The following BICRAL variants were observed in gnomAD, a reference collection of about 807,000 sequenced individuals.
The protein encoded by BICRAL is BRD4-interacting chromatin-remodeling complex-associated protein-like.
A neutral mutation model predicts 91.8 loss-of-function variants in BICRAL; 8 were observed. That is an observed-to-expected ratio of 0.09 (90% CI 0.05 to 0.16). BICRAL has a LOEUF of 0.16. BICRAL is among the 10% of genes least tolerant of loss of function. The pLI is 1.00. For missense variants in BICRAL, 1,038 were observed against 1,310.9 expected, an observed-to-expected ratio of 0.79 and a Z score of 3.21; for synonymous variants, 445 against 491.1, an observed-to-expected ratio of 0.91 and a Z score of 1.24.
upstream of BICRAL, among the ~76,000 whole-genome samples, chr6:42,780,371 C>A (rs1156581963): frequency 1.3e-5 from 2 of 151,992 alleles, no homozygotes; most frequent in East Asian, 3.8e-4. Flanking sequence ...ACAATAATTT[C>A]ACTTAAATAA....
intron 6 of BICRAL, among the ~76,000 whole-genome samples, chr6:42,841,076 A>T (rs1419022369): frequency 4.1e-5 from 2 of 49,226 alleles, no homozygotes; most frequent in East Asian, 5.4e-4. Context: ...CTCAATCTTT[A>T]AAAAAAAAAA....
intron 1 of BICRAL, among the ~76,000 whole-genome samples, chr6:42,785,685 A>C (rs913878412): frequency 6.6e-6 from 1 of 152,214 alleles, no homozygotes; most frequent in Admixed American, 6.5e-5. Context: ...TGAATTTTGA[A>C]TTGTGGACAT....
chr6:42,856,988 T>C (rs539009144), intron 9 of BICRAL, 103 bp from the exon 10 acceptor site: 1 of 971,582 alleles, frequency 1.0e-6, no homozygotes, highest in South Asian at 1.6e-5. Flanking sequence ...AAAACTGCCG[T>C]ATTATTCCTA....
At chr6:42,843,560 G>T (rs995323970) in intron 6 of BICRAL, among the ~76,000 whole-genome samples, 3 of 152,174 alleles carry the variant, frequency 2.0e-5, no homozygotes, top group Non-Finnish European at 4.4e-5. Context: ...ACTTGTGATT[G>T]ATTGGGCATA....
intron 6 of BICRAL, among the ~76,000 whole-genome samples, chr6:42,841,743 G>A (rs555420185): frequency 2.8e-4 from 43 of 152,204 alleles, no homozygotes; most frequent in Non-Finnish European, 2.8e-4. Context: ...TATTACTAAC[G>A]AGGACAGTGC....
At chr6:42,835,778 A>T (rs1764620360) in intron 6 of BICRAL, among the ~76,000 whole-genome samples, 1 of 152,144 alleles carries the variant, frequency 6.6e-6, no homozygotes, top group Non-Finnish European at 1.5e-5. Context: ...TACAAAAAAT[A>T]CAAAAATTAG....
chr6:42,848,165 T>C, intron 6 of BICRAL, among the ~76,000 whole-genome samples: 1 of 128,036 alleles, frequency 7.8e-6, no homozygotes, highest in Non-Finnish European at 1.6e-5. Context: ...AAAAAGAAAA[T>C]CGCTTGAACC....
chr6:42,840,963 C>T (rs1764777371), intron 6 of BICRAL, among the ~76,000 whole-genome samples: 1 of 150,314 alleles, frequency 6.7e-6, no homozygotes, highest in Non-Finnish European at 1.5e-5. Context: ...ATAATACCAC[C>T]TACTCAGGAG....
chr6:42,828,861 G>A lies in BICRAL; in HGVS notation c.528G>A (p.Ser176=), dbSNP rs745521844. The A allele has an allele frequency of 6.2e-6, 10 of 1,614,036 alleles. No homozygotes were observed. The highest frequency in any genetic ancestry group is 2.7e-5 in the African/African-American group (2 of 74,910). The change falls in exon 6 of 13, where the codon TCG becomes TCA. Residue 176 remains serine (S), a synonymous_variant. Coordinates refer to ENST00000314073, the MANE Select transcript of BICRAL (RefSeq NM_001393499.1). ...TGACGCATGTGCCTGTTGGAGCATC[G>A]TTTGCAAGCAATACAGTGGGTGTAC... is the stretch of plus-strand genomic sequence containing the variant. ...IGVTHVPVGA[S]FASNTVGVQH...
At chr6:42,809,221 G>A (rs1043623477) in intron 1 of BICRAL, among the ~76,000 whole-genome samples, 1 of 151,166 alleles carries the variant, frequency 6.6e-6, no homozygotes, top group African/African-American at 2.4e-5. Context: ...AGTTTGCCGA[G>A]AATGATGGTT....
chr6:42,811,553 G>A (rs1347138311), intron 2 of BICRAL, among the ~76,000 whole-genome samples: 6 of 151,580 alleles, frequency 4.0e-5, no homozygotes, highest in East Asian at 1.9e-4. Context: ...CCTGGGAGGC[G>A]GAGGTTGCAG....
intron 1 of BICRAL, among the ~76,000 whole-genome samples, chr6:42,789,639 CAAA>C (rs11334649): frequency 1.4e-4 from 15 of 110,004 alleles, no homozygotes; most frequent in Admixed American, 3.0e-4. Context: ...TAGACTGTCT[CAAA>C]AAAAAAAAAA....
intron 2 of BICRAL, among the ~76,000 whole-genome samples, chr6:42,814,768 G>T (rs1344153325): frequency 1.3e-5 from 2 of 150,098 alleles, no homozygotes; most frequent in Non-Finnish European, 1.5e-5. Flanking sequence ...CAGGTGATCC[G>T]CCTGCCTCAG....
At chr6:42,758,466 A>G (rs1487735778) in intron 1 of BICRAL, among the ~76,000 whole-genome samples, 1 of 152,182 alleles carries the variant, frequency 6.6e-6, no homozygotes, top group East Asian at 1.9e-4. Context: ...ACTTCCATGT[A>G]TTCGTGCTGC....
chr6:42,818,471 G>A (rs1167532959), intron 2 of BICRAL, among the ~76,000 whole-genome samples: 14 of 152,098 alleles, frequency 9.2e-5, no homozygotes, highest in Admixed American at 9.2e-4. Context: ...GCCTTCTGGG[G>A]TATGAAGTGG....
intron 6 of BICRAL, among the ~76,000 whole-genome samples, chr6:42,851,166 CAGAG>C (rs749560820): frequency 4.3e-4 from 66 of 152,186 alleles, no homozygotes; most frequent in Middle Eastern, 3.4e-3. Context: ...GCCTGGGCGA[CAGAG>C]AGAGACTCCG....
chr6:42,753,421 G>T (rs1582797057), intron 1 of BICRAL, among the ~76,000 whole-genome samples: 2 of 152,098 alleles, frequency 1.3e-5, no homozygotes, highest in African/African-American at 4.8e-5. Flanking sequence ...GGGTTGCCTT[G>T]TTGGGATGGT....
intron 8 of BICRAL, 109 bp downstream of exon 8, chr6:42,853,847 A>G: frequency 1.3e-6 from 1 of 777,788 alleles, no homozygotes; most frequent in Non-Finnish European, 2.2e-6. Context: ...CAGTCCACCC[A>G]GTCCCCTGTG....
intron 1 of BICRAL, among the ~76,000 whole-genome samples, chr6:42,775,889 C>T (rs1762800838): frequency 6.6e-6 from 1 of 152,146 alleles, no homozygotes; most frequent in Admixed American, 6.6e-5. Context: ...CATTTGTAAT[C>T]ACTCCAATAA....
Sources: gnomAD v4.1 joint callset for allele counts (sites outside exome capture counted in the v4.1 genomes callset) on GRCh38, gnomAD v4.1.1 for gene constraint, MANE v1.5 for transcripts, NCBI Gene and HGNC (gene_info 2026-07-23, HGNC 2026-07-21) for gene names.